C6: variants seen among roughly 807,000 people sequenced by gnomAD.
The protein encoded by C6 is complement C6.
Under a neutral mutation model 112.9 loss-of-function variants are expected in C6, and 101 were observed. The ratio of observed to expected loss-of-function variants is 0.89; its 90% CI spans 0.76 to 1.06. The LOEUF is 1.06. Among genes scored for constraint, C6 ranks in the 50% least tolerant of loss-of-function variants. The pLI is 0.00. For missense variants in C6, 1,202 were observed against 1,104.6 expected (o/e 1.09, Z -1.25); for synonymous variants, 431 against 384.1 (o/e 1.12, Z -1.43).
chr5:41,241,845 A>C (rs1740730616), intron 1 of C6, among the ~76,000 whole-genome samples: 1 of 152,218 alleles, frequency 6.6e-6, no homozygotes, highest in South Asian at 2.1e-4. Context: ...AGGACAGAAC[A>C]TTCACAATAG....
intron 9 of C6, among the ~76,000 whole-genome samples, chr5:41,171,499 C>T (rs1748419374): frequency 6.6e-6 from 1 of 152,110 alleles, no homozygotes; most frequent in Admixed American, 6.5e-5. Context: ...GCATTGTAGC[C>T]TATAGACTTT....
At position 41,182,612 on chromosome 5, in the gene C6, G is replaced by A. The variant is rs931759327; in HGVS notation, c.727-1053C>T. Among the ~76,000 whole-genome samples, 11 of 152,170 alleles carry A rather than the reference G, an allele frequency of 7.2e-5. No individual in the cohort carries two copies. The South Asian group carries it at 2.3e-3, about 31-fold the overall frequency. On this transcript the variant is annotated intron_variant, in intron 6 of 17. Coordinates refer to ENST00000337836, the MANE Select transcript of C6 (RefSeq NM_000065.5). ...CATAAGCTACAATACTACAAAAGAA[G>A]GGAAGTGAGATGCCTGCTGAATTTC...
At chr5:41,259,286 T>TA (rs55684286) in intron 1 of C6, among the ~76,000 whole-genome samples, 54,611 of 151,818 alleles carry the variant, frequency 0.36, 11,319 homozygotes, top group Non-Finnish European at 0.47. Flanking sequence ...AAACAAAGAG[T>TA]AAAAATAGCT....
At chr5:41,165,256 C>T (rs901028579) in intron 9 of C6, among the ~76,000 whole-genome samples, 6 of 152,010 alleles carry the variant, frequency 3.9e-5, no homozygotes, top group Admixed American at 6.6e-5. Context: ...TATTTTTGAT[C>T]CATGTGTGTG....
intron 9 of C6, among the ~76,000 whole-genome samples, chr5:41,163,983 C>G (rs932157320): frequency 1.3e-5 from 2 of 151,602 alleles, no homozygotes; most frequent in Non-Finnish European, 2.9e-5. Flanking sequence ...TATGTCAGGC[C>G]CAGATAAATA....
intron 1 of C6, among the ~76,000 whole-genome samples, chr5:41,223,673 C>A (rs1036632968): frequency 3.9e-5 from 6 of 152,108 alleles, no homozygotes; most frequent in Non-Finnish European, 8.8e-5. Flanking sequence ...AAATACATGT[C>A]ATTGAAGGAA....
intron 1 of C6, among the ~76,000 whole-genome samples, chr5:41,242,284 C>T (rs868365206): frequency 3.3e-4 from 50 of 152,188 alleles, no homozygotes; most frequent in South Asian, 6.2e-4. Flanking sequence ...GTGAGTCTCA[C>T]GAGATCTGAT....
chr5:41,236,657 A>G (rs1381307849), intron 1 of C6, among the ~76,000 whole-genome samples: 6 of 132,892 alleles, frequency 4.5e-5, no homozygotes, highest in African/African-American at 1.8e-4. Flanking sequence ...TAACATCTCA[A>G]TTAAAAGAAC....
chr5:41,246,324 C>T (rs1345448321), intron 1 of C6, among the ~76,000 whole-genome samples: 2 of 152,180 alleles, frequency 1.3e-5, no homozygotes, highest in African/African-American at 4.8e-5. Context: ...AAATGCTAGG[C>T]TCATTTCTGT....
intron 1 of C6, among the ~76,000 whole-genome samples, chr5:41,207,568 T>G (rs1042725043): frequency 5.3e-5 from 8 of 151,966 alleles, no homozygotes; most frequent in African/African-American, 1.9e-4. Flanking sequence ...AAAAGGCAGG[T>G]GTTGCGATCC....
At chr5:41,240,923 C>T (rs972180593) in intron 1 of C6, among the ~76,000 whole-genome samples, 9 of 152,218 alleles carry the variant, frequency 5.9e-5, no homozygotes, top group East Asian at 1.9e-4. Flanking sequence ...ATTGCGTGCT[C>T]GGATGACCGG....
At chr5:41,222,717 G>T (rs1003624633) in intron 1 of C6, among the ~76,000 whole-genome samples, 2 of 152,092 alleles carry the variant, frequency 1.3e-5, no homozygotes, top group Non-Finnish European at 2.9e-5. Flanking sequence ...TACGAGTCAG[G>T]TAGTATTTTA....
At chr5:41,254,676 A>G (rs1349600976) in intron 1 of C6, among the ~76,000 whole-genome samples, 1 of 152,216 alleles carries the variant, frequency 6.6e-6, no homozygotes, top group African/African-American at 2.4e-5. Context: ...CTCAATGTAA[A>G]TGTTAAGTGA....
intron 1 of C6, among the ~76,000 whole-genome samples, chr5:41,234,551 T>G (rs1740131717): frequency 6.6e-6 from 1 of 151,990 alleles, no homozygotes; most frequent in African/African-American, 2.4e-5. Context: ...TAGCACTGAG[T>G]GTAGAAGCTG....
At chr5:41,175,974 G>A (rs931859978) in intron 8 of C6, among the ~76,000 whole-genome samples, 1 of 152,126 alleles carries the variant, frequency 6.6e-6, no homozygotes, top group Admixed American at 6.6e-5. Flanking sequence ...CGCTTGTCAA[G>A]TTTTTAACTT....
upstream of C6, among the ~76,000 whole-genome samples, chr5:41,215,913 TATC>T (rs1302027907): frequency 6.6e-6 from 1 of 152,064 alleles, no homozygotes; most frequent in Non-Finnish European, 1.5e-5. Flanking sequence ...CATGCCAACT[TATC>T]ATTATAGCAA....
At chr5:41,143,213 C>T (rs1462360239) in intron 17 of C6, among the ~76,000 whole-genome samples, 8 of 152,128 alleles carry the variant, frequency 5.3e-5, no homozygotes, top group Non-Finnish European at 8.8e-5. Context: ...AAGGCAATGA[C>T]CCCAAAGACC....
At chr5:41,148,215 C>A (rs1746028584) in intron 17 of C6, among the ~76,000 whole-genome samples, 1 of 151,986 alleles carries the variant, frequency 6.6e-6, no homozygotes, top group African/African-American at 2.4e-5. Context: ...AATGCCTAAC[C>A]AGAGATTGGT....
rs181513502 is a variant in C6 at position 41,146,899 on chromosome 5, A to T, written c.2623+2342T>A. Among the ~76,000 whole-genome samples, 6 of 152,028 alleles carry T rather than the reference A, an allele frequency of 3.9e-5. No homozygotes were observed. The East Asian group carries it at 1.2e-3, about 29-fold the overall frequency. ...GATTTGAAAAAAAATTTGTGGGAAG[A>T]TAGCAAAAAAAGGGAAGATAGCAAA... On this transcript the variant is annotated intron_variant, in intron 17 of 17. Transcript: ENST00000337836.
Sources: gnomAD v4.1 joint callset for allele counts (sites outside exome capture counted in the v4.1 genomes callset) on GRCh38, gnomAD v4.1.1 for gene constraint, MANE v1.5 for transcripts, NCBI Gene and HGNC (gene_info 2026-07-23, HGNC 2026-07-21) for gene names.